The following PPP4R1 variants were observed in gnomAD, a reference collection of about 807,000 sequenced individuals.
PPP4R1 encodes serine/threonine-protein phosphatase 4 regulatory subunit 1.
A neutral mutation model predicts 111.2 loss-of-function variants in PPP4R1; 42 were observed. That is an observed-to-expected ratio of 0.38 (90% CI 0.29 to 0.49). The LOEUF (loss-of-function observed/expected upper bound fraction) is 0.49. PPP4R1 is among the 20% of genes least tolerant of loss of function. PPP4R1 has a pLI of 0.97. For synonymous variants in PPP4R1, 409 were observed against 405.5 expected, an observed-to-expected ratio of 1.01 and a Z score of -0.10; for missense variants, 1,012 against 1,161.6, an observed-to-expected ratio of 0.87 and a Z score of 1.87.
At chr18:9,560,353 T>G (rs1166958615) in intron 13 of PPP4R1, among the ~76,000 whole-genome samples, 2 of 149,130 alleles carry the variant, frequency 1.3e-5, no homozygotes, top group Non-Finnish European at 2.9e-5. Flanking sequence ...GAAGTGCACA[T>G]GTCTAATTAT....
chr18:9,558,525 T>C (rs1274966119), intron 14 of PPP4R1, among the ~76,000 whole-genome samples: 1 of 152,110 alleles, frequency 6.6e-6, no homozygotes. Context: ...TAAATTCACT[T>C]CCCCTGGGCC....
At chr18:9,576,323 A>G (rs1315013520) in intron 10 of PPP4R1, among the ~76,000 whole-genome samples, 1 of 152,238 alleles carries the variant, frequency 6.6e-6, no homozygotes, top group Non-Finnish European at 1.5e-5. Flanking sequence ...CTTCAAGTGC[A>G]TAACTGTAAA....
In PPP4R1 at chr18:9,604,194, T is replaced by C. The variant is rs1260916601; in HGVS notation, c.53-9041A>G. Among the ~76,000 whole-genome samples, 22 of 152,202 alleles carry C rather than the reference T, an allele frequency of 1.4e-4. 1 individual carries two copies. Among genetic ancestry groups the C allele is most frequent in the Admixed American group, 1.4e-3 (21 of 15,280 alleles). ...TGATACAGAGTTTTCAAAATTATTTTAGTAGGTATGCAGTAATAAAGTTTA... is the reference window on the plus strand; with the variant it reads ...TGATACAGAGTTTTCAAAATTATTTCAGTAGGTATGCAGTAATAAAGTTTA... On this transcript the variant is annotated intron_variant, in intron 2 of 19. Coordinates refer to ENST00000400556, the MANE Select transcript of PPP4R1 (RefSeq NM_001042388.3).
intron 10 of PPP4R1, among the ~76,000 whole-genome samples, chr18:9,574,505 G>T (rs180984752): frequency 1.3e-5 from 2 of 152,162 alleles, no homozygotes; most frequent in East Asian, 3.9e-4. Flanking sequence ...CATATAGTTA[G>T]CATTAAGCTA....
In PPP4R1 at chr18:9,570,602, A is replaced by C; in HGVS notation, c.1128T>G (p.Ser376Arg). 3 of 1,614,116 alleles carry C rather than the reference A, an allele frequency of 1.9e-6. No individual in the cohort carries two copies. The highest frequency in any genetic ancestry group is 2.5e-6 in the Non-Finnish European group (3 of 1,180,024). ...TPSDLSVSNS[S>R]VILENTMEDH... Reference sequence around the variant, plus strand: ...CTTCCATCGTGTTTTCCAGTATGACACTGGAATTACTAACACTGAGATCTG... The same window carrying C: ...CTTCCATCGTGTTTTCCAGTATGACCCTGGAATTACTAACACTGAGATCTG... The change falls in exon 11 of 20, where the codon AGT becomes AGG. Residue 376 changes from serine to arginine, a missense_variant. Ser to Arg is a moderately radical substitution (Grantham distance 110, BLOSUM62 -1). This residue lies in a region of PPP4R1 where 707 missense variants were observed against 742.1 expected (regional missense o/e 0.95). Transcript: ENST00000400556.
chr18:9,563,135 A>C, intron 12 of PPP4R1: 2 of 1,212,710 alleles, frequency 1.6e-6, no homozygotes, highest in Non-Finnish European at 2.1e-6. Flanking sequence ...CTACATTAAC[A>C]TTGAGTCTAC....
chr18:9,556,003 A>AC (rs1555665990), intron 15 of PPP4R1, among the ~76,000 whole-genome samples: 6 of 38,516 alleles, frequency 1.6e-4, no homozygotes, highest in African/African-American at 2.3e-4. Context: ...CAAACAAAAA[A>AC]ACACAAAATC....
intron 9 of PPP4R1, among the ~76,000 whole-genome samples, chr18:9,581,160 A>G (rs2067022717): frequency 7.9e-6 from 1 of 127,300 alleles, no homozygotes; most frequent in Non-Finnish European, 1.9e-5. Flanking sequence ...AAAACATTAC[A>G]AGGCAGGCAA....
upstream of PPP4R1, among the ~76,000 whole-genome samples, chr18:9,616,459 G>A (rs1037381235): frequency 1.2e-4 from 18 of 151,900 alleles, no homozygotes; most frequent in Admixed American, 7.9e-4. Context: ...AATTTTTTAG[G>A]GACGTGGTTC....
In PPP4R1 at chr18:9,564,137, G is replaced by A. The variant is rs116629880; in HGVS notation, c.1574-587C>T. ...AGCAAACCAAAAGGACAACTTACCA[G>A]GCAGTGGTTCAAAAATCTGGCAACT... is the stretch of plus-strand genomic sequence containing the variant. On this transcript the variant is annotated intron_variant, in intron 11 of 19. Coordinates refer to ENST00000400556, the MANE Select transcript of PPP4R1 (RefSeq NM_001042388.3). 3.0e-3 allele frequency among the ~76,000 whole-genome samples: 459 copies of A among 152,244 alleles called. 1 individual carries two copies. Among genetic ancestry groups the A allele is most frequent in the African/African-American group, 0.011 (441 of 41,542 alleles).
rs1179332519 is a variant in PPP4R1 at position 9,602,557 on chromosome 18, A to C, written c.53-7404T>G. Among the ~76,000 whole-genome samples the C allele has an allele frequency of 2.7e-5, 4 of 148,526 alleles. No homozygotes were observed. In the East Asian group the frequency reaches 6.0e-4, roughly 22 times the overall value. On this transcript the variant is annotated intron_variant, in intron 2 of 19. Coordinates refer to ENST00000400556, the MANE Select transcript of PPP4R1 (RefSeq NM_001042388.3). Reference sequence around the variant, plus strand: ...CAAGACTCTGTCTCAAAAAAAAAAAAAAAACTTGCACCTTTCCTTTAGCCA... The same window carrying C: ...CAAGACTCTGTCTCAAAAAAAAAAACAAAACTTGCACCTTTCCTTTAGCCA...
Position 9,595,025 on chromosome 18 carries a change from A to G in PPP4R1, c.181T>C (p.Phe61Leu). The change falls in exon 3 of 20, where the codon TTT becomes CTT. Residue 61 changes from phenylalanine (F) to leucine (L), a missense_variant. By Grantham distance (22) the Phe-to-Leu change is conservative. This residue lies in a region of PPP4R1 where 707 missense variants were observed against 742.1 expected (regional missense o/e 0.95). Coordinates refer to ENST00000400556, the MANE Select transcript of PPP4R1 (RefSeq NM_001042388.3). ...AAAAGAATATGCACATACCTGTTAA[A>G]TATGTTCTCACTTGCAGCATACTTG... ...LDKYAASENI[F>L]NRQMVARSLL... 6.2e-7 allele frequency: 1 copy of G among 1,613,884 alleles called. No individual in the cohort carries two copies. Among genetic ancestry groups the G allele is most frequent in the South Asian group, 1.1e-5 (1 of 91,054 alleles).
Position 9,558,699 on chromosome 18 carries a change from G to GT in PPP4R1, c.2028+719dup, listed in dbSNP as rs1555666878. Among the ~76,000 whole-genome samples the GT allele has an allele frequency of 6.7e-4, 99 of 148,160 alleles. 3 individuals are homozygous for GT. The East Asian group carries it at 6.7e-3, about 10-fold the overall frequency. ...CAGTACAAATTAGCCTAATCAGACT[G>GT]TTTTTTTTTTTTTTTAAATAACTGA... On this transcript the variant is annotated intron_variant, in intron 14 of 19. Coordinates refer to ENST00000400556, the MANE Select transcript of PPP4R1 (RefSeq NM_001042388.3).
chr18:9,576,971 T>C lies in PPP4R1; in HGVS notation c.1046+93A>G, dbSNP rs938934768. The C allele has an allele frequency of 8.2e-5, 98 of 1,196,358 alleles. No homozygotes were observed. The East Asian group carries it at 1.8e-3, about 23-fold the overall frequency. The allele number at this position is 1,196,358 out of a possible 1,614,324, so 74.1% of individuals were successfully genotyped here. A position where few individuals can be genotyped will look rare whatever the true frequency, so the allele number is the denominator to read the frequency against. On this transcript the variant is annotated intron_variant, in intron 10 of 19. Coordinates refer to ENST00000400556, the MANE Select transcript of PPP4R1 (RefSeq NM_001042388.3). ...AGAGAAATAGCAAACTATCAAAAAA[T>C]AACATTTGTTGCAGAATAGTGGAAA...
intron 16 of PPP4R1, 43 bp from the exon 17 acceptor site, chr18:9,550,441 G>A (rs372790920): frequency 3.0e-5 from 47 of 1,544,804 alleles, no homozygotes; most frequent in African/African-American, 1.1e-4. Flanking sequence ...AAAAATCAGC[G>A]AGACAAATGA....
rs112616948 is a variant in PPP4R1, at chr18:9,561,307, C to T, written c.1842+673G>A. Among the ~76,000 whole-genome samples the T allele has an allele frequency of 9.2e-3, 1,399 of 151,678 alleles. 17 individuals carry two copies. The highest frequency in any genetic ancestry group is 0.035 in the Middle Eastern group (10 of 288). On this transcript the variant is annotated intron_variant, in intron 13 of 19. Coordinates refer to ENST00000400556, the MANE Select transcript of PPP4R1 (RefSeq NM_001042388.3). ...CACGTACAGACAGTCATGGTGAATG[C>T]AGCACTGCTTATAGCATCAAAGTGA...
At chr18:9,551,546 A>G (rs530302496) in intron 16 of PPP4R1, 1 of 152,442 alleles carries the variant, frequency 6.6e-6, no homozygotes, top group Admixed American at 6.5e-5. Flanking sequence ...TGGTCAGGAA[A>G]AACAGGAGAG....
At chr18:9,566,881 T>C (rs1351357718) in intron 11 of PPP4R1, among the ~76,000 whole-genome samples, 2 of 152,170 alleles carry the variant, frequency 1.3e-5, no homozygotes, top group Non-Finnish European at 2.9e-5. Context: ...CCTTTCAAAT[T>C]ATTACTGCTC....
At chr18:9,560,202 C>T (rs1052869164) in intron 13 of PPP4R1, among the ~76,000 whole-genome samples, 2 of 152,098 alleles carry the variant, frequency 1.3e-5, no homozygotes. Flanking sequence ...ATCACTTGAG[C>T]CCAGGGAGGT....
Sources: gnomAD v4.1 joint callset for allele counts (sites outside exome capture counted in the v4.1 genomes callset) on GRCh38, gnomAD v4.1.1 for gene constraint, gnomAD v4.1.1 regional missense constraint, MANE v1.5 for transcripts, NCBI Gene and HGNC (gene_info 2026-07-23, HGNC 2026-07-21) for gene names.